The following LRRTM4 variants were observed in gnomAD, a reference collection of about 807,000 sequenced individuals.
LRRTM4 encodes leucine-rich repeat transmembrane neuronal protein 4.
In LRRTM4, 25 loss-of-function variants were observed where a neutral mutation model predicts 47.6. That is an observed-to-expected ratio of 0.53 (90% confidence interval 0.38 to 0.73). The LOEUF is 0.73. Among genes scored for constraint, LRRTM4 ranks in the 30% least tolerant of loss-of-function variants. LRRTM4 has a pLI of 0.00. For missense variants in LRRTM4, 638 were observed against 713.4 expected, an observed-to-expected ratio of 0.89 and a Z score of 1.20; for synonymous variants, 311 against 269.5, an observed-to-expected ratio of 1.15 and a Z score of -1.51.
chr2:76,748,646 G>A lies in LRRTM4; in HGVS notation c.*49C>T, dbSNP rs1558630241. ...ACACCCATTCTCCTTTAAGATGAAG[G>A]CCCTCCCTCCCCCCCATGGAGCTCC... is the stretch of plus-strand genomic sequence containing the variant. On this transcript the variant is annotated 3_prime_UTR_variant, in exon 4 of 4. Coordinates refer to ENST00000409884, the MANE Select transcript of LRRTM4 (RefSeq NM_001134745.3). 1 of 1,380,572 alleles carries A rather than the reference G, an allele frequency of 7.2e-7. No homozygotes were observed. Among genetic ancestry groups the A allele is most frequent in the East Asian group, 2.3e-5 (1 of 43,452 alleles). 85.5% of individuals were successfully genotyped at this position (1,380,572 alleles called of 1,614,324 possible).
intron 3 of LRRTM4, among the ~76,000 whole-genome samples, chr2:77,050,128 C>CTTTTTTTTTTT (rs745419725): frequency 3.5e-5 from 4 of 112,700 alleles, no homozygotes; most frequent in African/African-American, 1.4e-4. Flanking sequence ...AGAACCAAGT[C>CTTTTTTTTTTT]TTTTTTTTTT....
intron 3 of LRRTM4, among the ~76,000 whole-genome samples, chr2:77,218,397 T>A (rs1674518858): frequency 6.6e-6 from 1 of 152,144 alleles, no homozygotes; most frequent in African/African-American, 2.4e-5. Flanking sequence ...TGATGCAAGT[T>A]TTCTGCAAGG....
intron 3 of LRRTM4, among the ~76,000 whole-genome samples, chr2:77,282,281 C>T (rs10164575): frequency 0.17 from 25,108 of 151,348 alleles, 4,663 homozygotes; most frequent in African/African-American, 0.46. Context: ...TTTGTGTATA[C>T]GCATTTTGTA....
chr2:76,820,549 T>TA (rs879659849), intron 3 of LRRTM4, among the ~76,000 whole-genome samples: 1 of 151,732 alleles, frequency 6.6e-6, no homozygotes, highest in African/African-American at 2.4e-5. Flanking sequence ...AAATTTGCGA[T>TA]AAAAAAATGA....
intron 3 of LRRTM4, among the ~76,000 whole-genome samples, chr2:77,441,617 T>C (rs568862342): frequency 1.2e-3 from 180 of 152,296 alleles, no homozygotes; most frequent in Non-Finnish European, 2.0e-3. Flanking sequence ...TGAGAAATAA[T>C]GACTAAAGAA....
intron 3 of LRRTM4, among the ~76,000 whole-genome samples, chr2:76,981,159 C>T (rs1022744704): frequency 9.2e-5 from 14 of 152,052 alleles, no homozygotes; most frequent in Non-Finnish European, 1.8e-4. Flanking sequence ...AGTGTTCATT[C>T]ATTCGTTATT....
intron 3 of LRRTM4, among the ~76,000 whole-genome samples, chr2:77,058,003 C>G (rs2103791569): frequency 6.6e-6 from 1 of 152,190 alleles, no homozygotes; most frequent in Middle Eastern, 3.4e-3. Flanking sequence ...GTTTCTGTTC[C>G]TCCAATAAAT....
intron 3 of LRRTM4, among the ~76,000 whole-genome samples, chr2:77,056,692 T>C (rs1679620119): frequency 6.6e-6 from 1 of 152,348 alleles, no homozygotes; most frequent in Non-Finnish European, 1.5e-5. Flanking sequence ...AAATTGTATG[T>C]ACCTGGGTAT....
chr2:77,343,129 C>T (rs945147448), intron 3 of LRRTM4, among the ~76,000 whole-genome samples: 1 of 151,790 alleles, frequency 6.6e-6, no homozygotes, highest in South Asian at 2.1e-4. Context: ...TAAGTAGAAA[C>T]ATTTCAACCT....
At chr2:77,050,849 AGAGT>A (rs1291693220) in intron 3 of LRRTM4, among the ~76,000 whole-genome samples, 2 of 152,172 alleles carry the variant, frequency 1.3e-5, no homozygotes, top group South Asian at 2.1e-4. Flanking sequence ...ATTATCAGCC[AGAGT>A]AAGAACTTCT....
intron 3 of LRRTM4, among the ~76,000 whole-genome samples, chr2:77,225,199 A>T (rs1248236706): frequency 1.5e-4 from 17 of 115,158 alleles, no homozygotes; most frequent in Non-Finnish European, 2.5e-4. Context: ...AACATCACAC[A>T]CCGGGGACTG....
At chr2:77,329,958 C>T (rs1670907787) in intron 3 of LRRTM4, among the ~76,000 whole-genome samples, 1 of 152,010 alleles carries the variant, frequency 6.6e-6, no homozygotes, top group African/African-American at 2.4e-5. Flanking sequence ...TTCATTTAGG[C>T]AAGGATAAGC....
At chr2:77,055,712 A>G (rs1018160356) in intron 3 of LRRTM4, among the ~76,000 whole-genome samples, 2 of 151,970 alleles carry the variant, frequency 1.3e-5, no homozygotes, top group African/African-American at 2.4e-5. Flanking sequence ...AGGACTATAA[A>G]TCATGCTGCT....
intron 3 of LRRTM4, among the ~76,000 whole-genome samples, chr2:77,100,672 A>G (rs2218569): frequency 6.6e-6 from 1 of 152,116 alleles, no homozygotes; most frequent in Non-Finnish European, 1.5e-5. Flanking sequence ...GGGAAAAATC[A>G]TTGAGGCAAT....
intron 3 of LRRTM4, among the ~76,000 whole-genome samples, chr2:77,014,760 G>A (rs371543357): frequency 4.3e-4 from 66 of 152,130 alleles, no homozygotes; most frequent in African/African-American, 1.5e-3. Context: ...TGCAGTGAGT[G>A]GAGATTGTGC....
chr2:77,306,687 G>A (rs1407312337), intron 3 of LRRTM4, among the ~76,000 whole-genome samples: 2 of 151,986 alleles, frequency 1.3e-5, no homozygotes, highest in Admixed American at 6.6e-5. Context: ...TATATTTGAG[G>A]ATGGGTTCAA....
At chr2:77,390,984 T>G (rs962988940) in intron 3 of LRRTM4, among the ~76,000 whole-genome samples, 2 of 151,886 alleles carry the variant, frequency 1.3e-5, no homozygotes, top group African/African-American at 2.4e-5. Context: ...AGAGTCTGTC[T>G]GCTTAAATTT....
intron 3 of LRRTM4, among the ~76,000 whole-genome samples, chr2:77,255,599 C>G (rs13411399): frequency 0.13 from 19,056 of 151,952 alleles, 3,997 homozygotes; most frequent in African/African-American, 0.43. Context: ...ATCAGAGTAG[C>G]TATCAATAAT....
chr2:77,031,710 C>G (rs1246849561), intron 3 of LRRTM4, among the ~76,000 whole-genome samples: 1 of 146,140 alleles, frequency 6.8e-6, no homozygotes, highest in African/African-American at 2.5e-5. Context: ...ATAATGAACA[C>G]CATGTGATCT....
Sources: allele counts gnomAD v4.1 joint callset (sites outside exome capture counted in the v4.1 genomes callset), GRCh38; gene constraint gnomAD v4.1.1; transcripts MANE v1.5; gene names NCBI Gene and HGNC (gene_info 2026-07-23, HGNC 2026-07-21).